CIMIP6: variants seen among roughly 807,000 people sequenced by gnomAD.
The protein encoded by CIMIP6 is uncharacterized protein C2orf73.
the CIMIP6 span, chr2:54,383,645 T>C: frequency 1.1e-4 from 16 of 152,164 alleles, no homozygotes; most frequent in Admixed American, 3.9e-4. Flanking sequence ...TATTGTTCTC[T>C]ACCATAAATA....
At chr2:54,364,861 A>G in the CIMIP6 span, among the ~76,000 whole-genome samples, 1 of 152,234 alleles carries the variant, frequency 6.6e-6, no homozygotes, top group Non-Finnish European at 1.5e-5. Flanking sequence ...GATAAAATAT[A>G]ACAGGAACAT....
the CIMIP6 span, among the ~76,000 whole-genome samples, chr2:54,348,756 G>A: frequency 6.6e-6 from 1 of 152,106 alleles, no homozygotes; most frequent in Non-Finnish European, 1.5e-5. Flanking sequence ...ACTAATATGT[G>A]CATATAAATA....
At chr2:54,360,600 T>C in the CIMIP6 span, 9 of 1,441,888 alleles carry the variant, frequency 6.2e-6, no homozygotes, top group South Asian at 1.5e-5. Flanking sequence ...CCCTGGAATA[T>C]AGGGAAATTT....
the CIMIP6 span, among the ~76,000 whole-genome samples, chr2:54,336,362 G>A: frequency 6.6e-6 from 1 of 152,206 alleles, no homozygotes; most frequent in South Asian, 2.1e-4. Context: ...GTAGCTTATT[G>A]AACCAGTCTT....
chr2:54,351,467 C>T, the CIMIP6 span, among the ~76,000 whole-genome samples: 1 of 152,170 alleles, frequency 6.6e-6, no homozygotes, highest in African/African-American at 2.4e-5. Context: ...AGATCTGGTC[C>T]TTTGCAGGAA....
the CIMIP6 span, among the ~76,000 whole-genome samples, chr2:54,342,612 G>GT: frequency 0.061 from 8,585 of 141,322 alleles, 485 homozygotes; most frequent in African/African-American, 0.15. Flanking sequence ...AGCCACATAG[G>GT]TTTTTTTTTT....
the CIMIP6 span, among the ~76,000 whole-genome samples, chr2:54,346,891 A>G: frequency 6.6e-6 from 1 of 152,182 alleles, no homozygotes; most frequent in African/African-American, 2.4e-5. Flanking sequence ...ATAAATTTCA[A>G]ATTCCTCACT....
chr2:54,380,011 T>G, the CIMIP6 span, among the ~76,000 whole-genome samples: 4 of 149,838 alleles, frequency 2.7e-5, no homozygotes, highest in Non-Finnish European at 4.4e-5. Flanking sequence ...GGTGTGGTGT[T>G]GTGCACCTCT....
At chr2:54,354,721 T>C in the CIMIP6 span, among the ~76,000 whole-genome samples, 1 of 152,114 alleles carries the variant, frequency 6.6e-6, no homozygotes, top group Non-Finnish European at 1.5e-5. Flanking sequence ...TTCTCATAAT[T>C]GATGGACTCT....
At chr2:54,382,521 T>A in the CIMIP6 span, among the ~76,000 whole-genome samples, 1 of 152,268 alleles carries the variant, frequency 6.6e-6, no homozygotes, top group African/African-American at 2.4e-5. Flanking sequence ...CCTGCCTCCA[T>A]GCCCTTTTAT....
the CIMIP6 span, among the ~76,000 whole-genome samples, chr2:54,333,012 G>A: frequency 6.6e-6 from 1 of 152,264 alleles, no homozygotes; most frequent in South Asian, 2.1e-4. Context: ...CTGGAGGGGT[G>A]GTTGAGGGTA....
chr2:54,340,494 T>C, the CIMIP6 span, among the ~76,000 whole-genome samples: 1 of 152,196 alleles, frequency 6.6e-6, no homozygotes, highest in Non-Finnish European at 1.5e-5. Flanking sequence ...ACTTTCACTC[T>C]TCCAGGAACA....
chr2:54,370,563 C>T, the CIMIP6 span, among the ~76,000 whole-genome samples: 562 of 152,178 alleles, frequency 3.7e-3, 1 homozygote, highest in African/African-American at 0.013. Flanking sequence ...GGGCAAGAAC[C>T]GAAATAACTT....
chr2:54,364,508 G>C, the CIMIP6 span, among the ~76,000 whole-genome samples: 1 of 152,042 alleles, frequency 6.6e-6, no homozygotes, highest in African/African-American at 2.4e-5. Context: ...ATCCTATGAA[G>C]CAGGGCAAAT....
the CIMIP6 span, among the ~76,000 whole-genome samples, chr2:54,347,350 T>C: frequency 6.6e-6 from 1 of 152,208 alleles, no homozygotes; most frequent in Non-Finnish European, 1.5e-5. Flanking sequence ...GCATTAGAAG[T>C]GTGGTTTGTA....
chr2:54,343,725 C>T, the CIMIP6 span: 1 of 1,589,634 alleles, frequency 6.3e-7, no homozygotes, highest in Non-Finnish European at 8.5e-7. Flanking sequence ...TAAAGGGTGA[C>T]TGGTGGTCAC....
the CIMIP6 span, among the ~76,000 whole-genome samples, chr2:54,352,138 G>A: frequency 2.6e-5 from 4 of 152,076 alleles, no homozygotes; most frequent in South Asian, 2.1e-4. Context: ...TTGACATAAT[G>A]TACTAAATAA....
At chr2:54,343,002 C>T in the CIMIP6 span, among the ~76,000 whole-genome samples, 1 of 152,172 alleles carries the variant, frequency 6.6e-6, no homozygotes, top group African/African-American at 2.4e-5. Context: ...TGAAGAATCT[C>T]AGTTTTCCCT....
At chr2:54,353,477 T>G in the CIMIP6 span, among the ~76,000 whole-genome samples, 2 of 152,114 alleles carry the variant, frequency 1.3e-5, no homozygotes, top group Non-Finnish European at 2.9e-5. Context: ...GATAGGCTTC[T>G]GGTTTTCATC....
Sources: gnomAD v4.1 joint callset for allele counts (sites outside exome capture counted in the v4.1 genomes callset) on GRCh38, gnomAD v4.1.1 for gene constraint, MANE v1.5 for transcripts, NCBI Gene and HGNC (gene_info 2026-07-23, HGNC 2026-07-21) for gene names.